Variants in SPANXN1 observed in about 807,000 individuals in gnomAD.
The protein encoded by SPANXN1 is SPANX family member N1.
In SPANXN1, 1 loss-of-function variant was observed where a neutral mutation model predicts 2.0. The ratio of observed to expected loss-of-function variants is 0.50; its 90% CI spans 0.18 to 2.36. SPANXN1 has a LOEUF of 2.36. SPANXN1 is among the 30% of genes most tolerant of loss of function. SPANXN1 has a pLI of 0.26. For missense variants in SPANXN1, 55 were observed against 51.8 expected, an observed-to-expected ratio of 1.06 and a Z score of -0.19; for synonymous variants, 27 against 21.3, an observed-to-expected ratio of 1.27 and a Z score of -0.74.
rs142781617 is a variant in SPANXN1 at position 145,248,837 on chromosome X, T to G, written c.75+1176T>G. Among the ~76,000 whole-genome samples, 614 of 111,742 alleles carry G rather than the reference T, an allele frequency of 5.5e-3. 3 individuals are homozygous for G. Among genetic ancestry groups the G allele is most frequent in the Non-Finnish European group, 9.0e-3 (477 of 53,175 alleles). On this transcript the variant is annotated intron_variant, in intron 1 of 1. Transcript: ENST00000370493. The stretch of plus-strand genomic sequence containing the variant: ...TGTAACTAATAGCCACTGTGGTCCT[T>G]ACAGGGCAGAAGGATACAGGTTGCA...
At chrX:145,250,660 G>C (rs1211172999) in intron 1 of SPANXN1, among the ~76,000 whole-genome samples, 1 of 111,639 alleles carries the variant, frequency 9.0e-6, no homozygotes, top group Admixed American at 9.5e-5. Context: ...GGGCAAGTGG[G>C]GTTTGTTCCT....
intron 1 of SPANXN1, among the ~76,000 whole-genome samples, chrX:145,252,000 G>C (rs782761239): frequency 9.0e-6 from 1 of 111,338 alleles, no homozygotes. Context: ...CAATCTCCTC[G>C]ATTATGGAAG....
intron 1 of SPANXN1, among the ~76,000 whole-genome samples, chrX:145,251,775 T>C (rs1487915447): frequency 9.0e-6 from 1 of 111,165 alleles, no homozygotes; most frequent in Non-Finnish European, 1.9e-5. Context: ...GATGGGCCCA[T>C]GTGAGGCCAT....
chrX:145,256,148 G>A lies in SPANXN1; in HGVS notation c.*334G>A, dbSNP rs1556883212. The A allele has an allele frequency of 3.2e-5, 13 of 406,815 alleles. No individual in the cohort carries two copies. In the East Asian group the frequency reaches 4.9e-4, roughly 15 times the overall value. The allele number at this position is 406,815 out of a possible 1,213,427, so 33.5% of individuals were successfully genotyped here. ...ATCATCTAGGTCAAGAAATGAAATCGAAATTTCAGAAATTACAGAAATTCT... is the reference window on the plus strand; with the variant it reads ...ATCATCTAGGTCAAGAAATGAAATCAAAATTTCAGAAATTACAGAAATTCT... On this transcript the variant is annotated 3_prime_UTR_variant, in exon 2 of 2. Transcript: ENST00000370493.
chrX:145,254,203 T>TG (rs2070797988), intron 1 of SPANXN1, among the ~76,000 whole-genome samples: 1 of 90,318 alleles, frequency 1.1e-5, no homozygotes, highest in Non-Finnish European at 2.2e-5. Flanking sequence ...GGAGGCATTT[T>TG]GGGGGGTTTC....
chrX:145,253,640 G>T (rs1489400345), intron 1 of SPANXN1, among the ~76,000 whole-genome samples: 1 of 111,310 alleles, frequency 9.0e-6, no homozygotes, highest in Admixed American at 9.5e-5. Flanking sequence ...GTCTACAGAA[G>T]TTGCCTGACA....
intron 1 of SPANXN1, among the ~76,000 whole-genome samples, chrX:145,252,653 G>C (rs782768872): frequency 9.0e-6 from 1 of 111,001 alleles, no homozygotes; most frequent in East Asian, 2.8e-4. Context: ...AGAATTAACA[G>C]AAGGTAACAG....
chrX:145,256,134 C>G lies in SPANXN1; in HGVS notation c.*320C>G, dbSNP rs2070810591. The G allele has an allele frequency of 2.4e-6, 1 of 422,649 alleles. No homozygotes were observed. The highest frequency in any genetic ancestry group is 3.6e-5 in the Admixed American group (1 of 27,610). The allele number at this position is 422,649 out of a possible 1,213,427, so 34.8% of individuals were successfully genotyped here. A position where few individuals can be genotyped will look rare whatever the true frequency, so the allele number is the denominator to read the frequency against. Reference sequence around the variant, plus strand: ...CTAGAGAAAAAGCGATCATCTAGGTCAAGAAATGAAATCGAAATTTCAGAA... The same window carrying G: ...CTAGAGAAAAAGCGATCATCTAGGTGAAGAAATGAAATCGAAATTTCAGAA... On this transcript the variant is annotated 3_prime_UTR_variant, in exon 2 of 2. Transcript: ENST00000370493.
At position 145,255,845 on chromosome X, in the gene SPANXN1, G is replaced by A. The variant is rs2070808572; in HGVS notation, c.*31G>A. ...CTCCATCAATCCAGTCCAAGAGGAGGAGGACGAAGGCCTAGACTCAGCTGA... is the reference window on the plus strand; with the variant it reads ...CTCCATCAATCCAGTCCAAGAGGAGAAGGACGAAGGCCTAGACTCAGCTGA... On this transcript the variant is annotated 3_prime_UTR_variant, in exon 2 of 2. Coordinates refer to ENST00000370493, the MANE Select transcript of SPANXN1 (RefSeq NM_001009614.3). 1 of 1,211,882 alleles carries A rather than the reference G, an allele frequency of 8.3e-7. No homozygotes were observed. Among genetic ancestry groups the A allele is most frequent in the African/African-American group, 1.7e-5 (1 of 57,920 alleles).
intron 1 of SPANXN1, among the ~76,000 whole-genome samples, chrX:145,251,374 G>A (rs1556882487): frequency 8.9e-6 from 1 of 111,953 alleles, no homozygotes; most frequent in Non-Finnish European, 1.9e-5. Flanking sequence ...AGAAATTGAT[G>A]GTTTATGAGG....
Position 145,255,683 on chromosome X carries a change from C to T in SPANXN1, c.88C>T (p.Pro30Ser). ...NNENDEMQET[P>S]NRDLAPEPSL... ...GTTTTCTTAACAGATGCAGGAGACA[C>T]CAAACAGGGACTTAGCCCCCGAACC... The change falls in exon 2 of 2, where the codon CCA becomes TCA. Residue 30 changes from proline (P) to serine (S), a missense_variant. By Grantham distance (74) the Pro-to-Ser change is moderately conservative (BLOSUM62 -1). Coordinates refer to ENST00000370493, the MANE Select transcript of SPANXN1 (RefSeq NM_001009614.3). 1.7e-6 allele frequency: 2 copies of T among 1,211,846 alleles called. No homozygotes were observed. Among genetic ancestry groups the T allele is most frequent in the South Asian group, 3.5e-5 (2 of 56,993 alleles).
intron 1 of SPANXN1, among the ~76,000 whole-genome samples, chrX:145,252,464 G>A (rs1367206144): frequency 9.0e-6 from 1 of 110,917 alleles, no homozygotes; most frequent in Non-Finnish European, 1.9e-5. Flanking sequence ...GTTGTGGGGA[G>A]AGTTGACGGG....
At chrX:145,249,222 G>C (rs1222311262) in intron 1 of SPANXN1, among the ~76,000 whole-genome samples, 1 of 110,103 alleles carries the variant, frequency 9.1e-6, no homozygotes, top group Admixed American at 9.7e-5. Context: ...TTTAACAGTT[G>C]GAAGTAAAAG....
rs781875481 is a variant in SPANXN1 at position 145,255,753 on chromosome X, C to A, written c.158C>A (p.Ala53Glu). 4 of 1,211,961 alleles carry A rather than the reference C, an allele frequency of 3.3e-6. No individual in the cohort carries two copies. The Admixed American group carries it at 8.7e-5, about 26-fold the overall frequency. ...MKTSEYSTVL[A>E]FCYRKAKKIH... Reference sequence around the variant, plus strand: ...ACGTCAGAATATTCAACAGTATTAGCGTTTTGCTACAGGAAAGCTAAGAAA... The same window carrying A: ...ACGTCAGAATATTCAACAGTATTAGAGTTTTGCTACAGGAAAGCTAAGAAA... The change falls in exon 2 of 2, where the codon GCG (alanine) becomes GAG (glutamate). Residue 53 changes from alanine to glutamate, a missense_variant. Physicochemically the swap from Ala to Glu is moderately radical, Grantham distance 107. Coordinates refer to ENST00000370493, the MANE Select transcript of SPANXN1 (RefSeq NM_001009614.3).
rs782801911 is a variant in SPANXN1, at chrX:145,247,598, C to G, written c.12C>G (p.Pro4=). The G allele has an allele frequency of 9.9e-6, 12 of 1,208,348 alleles. No individual in the cohort carries two copies. The highest frequency in any genetic ancestry group is 4.6e-4 in the Middle Eastern group (2 of 4,370). Residue 4 remains proline, a synonymous_variant, in exon 1 of 2, where the codon CCC becomes CCG. Transcript: ENST00000370493. MEQ[P]TSSINGEKRK... Reference sequence around the variant, plus strand: ...AACCAACCAGAATCATGGAACAGCCCACTTCAAGCATCAATGGGGAGAAGA... The same window carrying G: ...AACCAACCAGAATCATGGAACAGCCGACTTCAAGCATCAATGGGGAGAAGA...
chrX:145,247,765 G>A (rs2070767944), intron 1 of SPANXN1, 104 bp downstream of exon 1: 1 of 954,512 alleles, frequency 1.0e-6, no homozygotes, highest in Non-Finnish European at 1.5e-6. Flanking sequence ...ACCTGTGGAA[G>A]TGGGAGACCC....
chrX:145,255,407 C>A (rs1156816679), intron 1 of SPANXN1, among the ~76,000 whole-genome samples: 1 of 111,285 alleles, frequency 9.0e-6, no homozygotes, highest in African/African-American at 3.3e-5. Flanking sequence ...GGCCTGAACC[C>A]CCATGGGATG....
At chrX:145,253,267 T>C (rs369607509) in intron 1 of SPANXN1, among the ~76,000 whole-genome samples, 53 of 111,047 alleles carry the variant, frequency 4.8e-4, no homozygotes, top group African/African-American at 1.7e-3. Context: ...AGTTGAGGAA[T>C]TCTGTATGCC....
chrX:145,254,067 T>G, intron 1 of SPANXN1, among the ~76,000 whole-genome samples: 1 of 100,062 alleles, frequency 1.0e-5, no homozygotes, highest in African/African-American at 3.7e-5. Flanking sequence ...GGATGGAGGG[T>G]GACAGTAAGG....
Sources: gnomAD v4.1 joint callset for allele counts (sites outside exome capture counted in the v4.1 genomes callset) on GRCh38, gnomAD v4.1.1 for gene constraint, MANE v1.5 for transcripts, NCBI Gene and HGNC (gene_info 2026-07-23, HGNC 2026-07-21) for gene names.